The following HSDL2 variants were observed in gnomAD, a reference collection of about 807,000 sequenced individuals.
HSDL2 encodes hydroxysteroid dehydrogenase like 2.
Under a neutral mutation model 46.3 loss-of-function variants are expected in HSDL2, and 27 were observed. The observed-to-expected ratio is 0.58, with a 90% CI of 0.43 to 0.80. The LOEUF (loss-of-function observed/expected upper bound fraction) is 0.80, where lower values mean the gene tolerates loss of function less well. HSDL2 is among the 30% of genes least tolerant of loss of function. The probability of loss-of-function intolerance (pLI) is 0.00; values close to 1 mark genes in which losing one functional copy is unlikely to be tolerated. For synonymous variants in HSDL2, 153 were observed against 163.6 expected (o/e 0.94, Z 0.50); for missense variants, 451 against 502.7 (o/e 0.90, Z 0.98).
In HSDL2 at chr9:112,459,380, GAAGTA is replaced by G. The variant is rs1313563885; in HGVS notation, c.1016-67_1016-63del. The G allele has an allele frequency of 4.7e-6, 7 of 1,490,274 alleles. No homozygotes were observed. In the Admixed American group the frequency reaches 9.4e-5, roughly 20 times the overall value. The allele number at this position is 1,490,274 out of a possible 1,614,324, so 92.3% of individuals were successfully genotyped here. A position where few individuals can be genotyped will look rare whatever the true frequency, so the allele number is the denominator to read the frequency against. ...AGCATTTTGTAAGATTATTCTAATTGAAGTAATTATTAAATTTAAGAAGAACAGGG... is the reference window on the plus strand; with the variant it reads ...AGCATTTTGTAAGATTATTCTAATTGATTATTAAATTTAAGAAGAACAGGG... On this transcript the variant is annotated intron_variant, in intron 9 of 10. Coordinates refer to ENST00000398805, the MANE Select transcript of HSDL2 (RefSeq NM_032303.5).
At chr9:112,408,646 AC>A (rs1409200795) in intron 3 of HSDL2, among the ~76,000 whole-genome samples, 2 of 152,188 alleles carry the variant, frequency 1.3e-5, no homozygotes, top group African/African-American at 4.8e-5. Context: ...ATAACATGTT[AC>A]TGTACTGACT....
At chr9:112,412,763 A>T (rs189986364) in intron 4 of HSDL2, among the ~76,000 whole-genome samples, 2 of 152,324 alleles carry the variant, frequency 1.3e-5, no homozygotes, top group African/African-American at 4.8e-5. Context: ...TTTTTCAAAA[A>T]TGAAAGTGAT....
At chr9:112,436,487 G>A (rs1381159362) in intron 6 of HSDL2, among the ~76,000 whole-genome samples, 1 of 151,860 alleles carries the variant, frequency 6.6e-6, no homozygotes, top group Non-Finnish European at 1.5e-5. Flanking sequence ...TTTGTTAAAT[G>A]AATGAAAAAG....
rs770041411 is a variant in HSDL2, at chr9:112,409,015, A to T, written c.389A>T (p.Tyr130Phe). 18 of 1,581,954 alleles carry T rather than the reference A, an allele frequency of 1.1e-5. No homozygotes were observed. Among genetic ancestry groups the T allele is most frequent in the Non-Finnish European group, 1.6e-5 (18 of 1,155,590 alleles). The change falls in exon 4 of 11, where the codon TAC becomes TTC. Residue 130 changes from tyrosine (Y) to phenylalanine (F), a missense_variant. Coordinates refer to ENST00000398805, the MANE Select transcript of HSDL2 (RefSeq NM_032303.5). ...ATGAACGTGAACACCAGAGGCACCT[A>T]CCTTGCGTAAGTTTGCAAGAAGAGT... is the stretch of plus-strand genomic sequence containing the variant. ...LMMNVNTRGT[Y>F]LASKACIPYL...
chr9:112,470,629 C>A lies in HSDL2; in HGVS notation c.*85C>A. 1 of 729,654 alleles carries A rather than the reference C, an allele frequency of 1.4e-6. No individual in the cohort carries two copies. The highest frequency in any genetic ancestry group is 3.5e-4 in the Middle Eastern group (1 of 2,890). The allele number at this position is 729,654 out of a possible 1,614,324, so 45.2% of individuals were successfully genotyped here. ...TAAAATCTAATGTTTGTTTTCTTTC[C>A]TGTTATATTATAAGGATATGCACGT... is the stretch of plus-strand genomic sequence containing the variant. On this transcript the variant is annotated 3_prime_UTR_variant, in exon 11 of 11. Transcript: ENST00000398805.
rs1832772415 is a variant in HSDL2, at chr9:112,447,012, T to C, written c.865+5242T>C. On this transcript the variant is annotated intron_variant, in intron 8 of 10. Coordinates refer to ENST00000398805, the MANE Select transcript of HSDL2 (RefSeq NM_032303.5). ...GGAAAGCACAGGAGACCTGTCTTTCTGGGGCTGACTCCATGTACCTTAGAG... is the reference window on the plus strand; with the variant it reads ...GGAAAGCACAGGAGACCTGTCTTTCCGGGGCTGACTCCATGTACCTTAGAG... 2.0e-5 allele frequency among the ~76,000 whole-genome samples: 3 copies of C among 152,222 alleles called. No homozygotes were observed. In the South Asian group the frequency reaches 6.2e-4, roughly 31 times the overall value.
At position 112,454,109 on chromosome 9, in the gene HSDL2, T is replaced by C. The variant is rs765151711; in HGVS notation, c.962T>C (p.Leu321Pro). ...EETFRIVKDSLSDDVVKATQA... is the reference protein window; with the variant it reads ...EETFRIVKDSPSDDVVKATQA... Reference sequence around the variant, plus strand: ...ACATTTAGAATTGTTAAGGACTCTCTCAGTGATGATGTTGTTAAAGCCACT... The same window carrying C: ...ACATTTAGAATTGTTAAGGACTCTCCCAGTGATGATGTTGTTAAAGCCACT... The change falls in exon 9 of 11, where the codon CTC becomes CCC. Residue 321 changes from leucine to proline, a missense_variant. Physicochemically the swap from Leu to Pro is moderately conservative, Grantham distance 98 (BLOSUM62 -3). Coordinates refer to ENST00000398805, the MANE Select transcript of HSDL2 (RefSeq NM_032303.5). 6.2e-7 allele frequency: 1 copy of C among 1,614,028 alleles called. No individual in the cohort carries two copies. Among genetic ancestry groups the C allele is most frequent in the South Asian group, 1.1e-5 (1 of 91,084 alleles).
chr9:112,439,759 G>A (rs182572282), intron 7 of HSDL2, among the ~76,000 whole-genome samples: 7 of 152,328 alleles, frequency 4.6e-5, no homozygotes, highest in Admixed American at 6.5e-5. Context: ...AATTCTGTAC[G>A]GAAAGTAATG....
intron 8 of HSDL2, among the ~76,000 whole-genome samples, chr9:112,453,647 C>T (rs1371825109): frequency 6.6e-6 from 1 of 152,210 alleles, no homozygotes; most frequent in Non-Finnish European, 1.5e-5. Flanking sequence ...CCCGCCTTGG[C>T]CTCCCAAAGT....
chr9:112,458,704 G>A (rs150806510), intron 9 of HSDL2, among the ~76,000 whole-genome samples: 102 of 152,000 alleles, frequency 6.7e-4, no homozygotes, highest in Middle Eastern at 3.4e-3. Flanking sequence ...ATCACCTGCC[G>A]GGCACGGTAT....
chr9:112,381,773 A>G (rs1234982529), intron 1 of HSDL2, among the ~76,000 whole-genome samples: 1 of 152,246 alleles, frequency 6.6e-6, no homozygotes, highest in East Asian at 1.9e-4. Flanking sequence ...CTCAACCTGT[A>G]TATGAATATA....
intron 6 of HSDL2, among the ~76,000 whole-genome samples, chr9:112,430,398 A>G (rs372677951): frequency 2.4e-4 from 36 of 152,348 alleles, no homozygotes; most frequent in African/African-American, 7.0e-4. Flanking sequence ...GACGATGTCC[A>G]TAAGGAAATG....
chr9:112,433,603 G>A (rs1210094282), intron 6 of HSDL2, among the ~76,000 whole-genome samples: 1 of 152,108 alleles, frequency 6.6e-6, no homozygotes, highest in Non-Finnish European at 1.5e-5. Context: ...GAGAGAAGAG[G>A]CAGGAAAGCT....
At chr9:112,399,536 A>C (rs1337301162) in intron 1 of HSDL2, among the ~76,000 whole-genome samples, 5 of 152,178 alleles carry the variant, frequency 3.3e-5, no homozygotes, top group Non-Finnish European at 5.9e-5. Flanking sequence ...CCACCCTAGT[A>C]AGCCTGAGGG....
intron 8 of HSDL2, among the ~76,000 whole-genome samples, chr9:112,444,959 C>T (rs559105826): frequency 6.6e-6 from 1 of 151,590 alleles, no homozygotes; most frequent in Admixed American, 6.6e-5. Context: ...CCCACTGCAG[C>T]CCTCAAAGTC....
intron 8 of HSDL2, among the ~76,000 whole-genome samples, chr9:112,446,320 C>T (rs544712947): frequency 6.6e-6 from 1 of 152,212 alleles, no homozygotes; most frequent in Non-Finnish European, 1.5e-5. Flanking sequence ...CCTTTACTTC[C>T]TCTGTTTAAA....
At chr9:112,402,091 C>G (rs945651560) in intron 1 of HSDL2, among the ~76,000 whole-genome samples, 6 of 152,110 alleles carry the variant, frequency 3.9e-5, no homozygotes, top group Non-Finnish European at 7.4e-5. Flanking sequence ...ATCCCTTTTT[C>G]TTTGTCATTG....
intron 1 of HSDL2, among the ~76,000 whole-genome samples, chr9:112,399,569 TCTCA>T (rs771846770): frequency 4.6e-5 from 7 of 152,082 alleles, no homozygotes; most frequent in Non-Finnish European, 8.8e-5. Flanking sequence ...CCAGAGCGTA[TCTCA>T]CTCCTTATCT....
intron 9 of HSDL2, among the ~76,000 whole-genome samples, chr9:112,458,929 C>T (rs1030695861): frequency 4.0e-5 from 6 of 151,702 alleles, no homozygotes; most frequent in Middle Eastern, 3.4e-3. Context: ...TGCAGTGAGC[C>T]GAGATCGCGC....
Sources: allele counts gnomAD v4.1 joint callset (sites outside exome capture counted in the v4.1 genomes callset), GRCh38; gene constraint gnomAD v4.1.1; transcripts MANE v1.5; gene names NCBI Gene and HGNC (gene_info 2026-07-23, HGNC 2026-07-21).